SLC22A15: variants seen among roughly 807,000 people sequenced by gnomAD.
SLC22A15 encodes the protein solute carrier family 22 member 15.
SLC22A15 carries 45 observed loss-of-function variants against 62.7 expected under a neutral mutation model. The ratio of observed to expected loss-of-function variants is 0.72; its 90% confidence interval spans 0.56 to 0.92. The LOEUF is 0.92. Among genes scored for constraint, SLC22A15 ranks in the 40% least tolerant of loss-of-function variants. SLC22A15 has a pLI of 0.00. For synonymous variants in SLC22A15, 264 were observed against 267.0 expected (o/e 0.99, Z 0.11); for missense variants, 622 against 665.6 (o/e 0.93, Z 0.72).
chr1:116,002,551 G>A lies in SLC22A15; in HGVS notation c.300+10308G>A, dbSNP rs374108884. The stretch of plus-strand genomic sequence containing the variant: ...ATTTTACTGGGGCTGAGCTGGTACC[G>A]AGATTGCAAGACAAAGTCCCCTTTA... On this transcript the variant is annotated intron_variant, in intron 2 of 11. Coordinates refer to ENST00000369503, the MANE Select transcript of SLC22A15 (RefSeq NM_018420.3). Among the ~76,000 whole-genome samples the A allele has an allele frequency of 4.7e-4, 71 of 150,508 alleles. No homozygotes were observed. In the South Asian group the frequency reaches 9.9e-3, roughly 21 times the overall value.
At chr1:115,979,816 T>C (rs560796756) in intron 1 of SLC22A15, among the ~76,000 whole-genome samples, 2 of 152,250 alleles carry the variant, frequency 1.3e-5, no homozygotes, top group East Asian at 3.9e-4. Flanking sequence ...GTCATTTTCC[T>C]CAAAATCATG....
chr1:116,056,258 A>T (rs1658204915), intron 8 of SLC22A15, among the ~76,000 whole-genome samples: 1 of 151,664 alleles, frequency 6.6e-6, no homozygotes, highest in Admixed American at 6.6e-5. Context: ...CTTATACACC[A>T]ATAACAGACA....
At chr1:116,033,929 C>T (rs1372095635) in intron 6 of SLC22A15, among the ~76,000 whole-genome samples, 1 of 152,138 alleles carries the variant, frequency 6.6e-6, no homozygotes, top group Non-Finnish European at 1.5e-5. Context: ...GGACTACTAA[C>T]CACTCCAGCT....
At chr1:116,023,523 T>C (rs923326095) in intron 4 of SLC22A15, among the ~76,000 whole-genome samples, 4 of 152,222 alleles carry the variant, frequency 2.6e-5, no homozygotes, top group Admixed American at 2.0e-4. Context: ...CCTTTGCATG[T>C]CTATTCCACA....
intron 2 of SLC22A15, among the ~76,000 whole-genome samples, chr1:116,015,807 G>A (rs930862502): frequency 6.6e-6 from 1 of 152,098 alleles, no homozygotes; most frequent in African/African-American, 2.4e-5. Flanking sequence ...TTAAGAACAA[G>A]TACAATTAAG....
chr1:116,049,253 A>G (rs544637350), intron 8 of SLC22A15, among the ~76,000 whole-genome samples: 1 of 152,256 alleles, frequency 6.6e-6, no homozygotes, highest in Non-Finnish European at 1.5e-5. Flanking sequence ...AATGGACTTA[A>G]CAGATATATA....
chr1:116,033,788 C>A (rs1380994961), intron 6 of SLC22A15, among the ~76,000 whole-genome samples: 30 of 152,178 alleles, frequency 2.0e-4, no homozygotes, highest in Non-Finnish European at 2.9e-5. Context: ...ACAGACAATG[C>A]AGTGTCACCT....
intron 2 of SLC22A15, among the ~76,000 whole-genome samples, chr1:116,003,892 G>A (rs1480394344): frequency 6.6e-6 from 1 of 152,112 alleles, no homozygotes; most frequent in Non-Finnish European, 1.5e-5. Context: ...CATAGAAATT[G>A]ACCCTTCTAT....
intron 1 of SLC22A15, among the ~76,000 whole-genome samples, chr1:115,982,471 C>T (rs1013978289): frequency 3.3e-5 from 5 of 152,072 alleles, no homozygotes; most frequent in Admixed American, 1.3e-4. Context: ...GTTGTGAATG[C>T]GTTGCTATGC....
At chr1:116,052,824 C>T (rs1426404619) in intron 8 of SLC22A15, among the ~76,000 whole-genome samples, 1 of 152,192 alleles carries the variant, frequency 6.6e-6, no homozygotes, top group Non-Finnish European at 1.5e-5. Context: ...TAGCAAACTC[C>T]AACAGACCTG....
chr1:116,039,912 A>T (rs1183598151), intron 8 of SLC22A15, among the ~76,000 whole-genome samples: 1 of 152,236 alleles, frequency 6.6e-6, no homozygotes, highest in East Asian at 1.9e-4. Flanking sequence ...AAGTACATAT[A>T]AAGAAAATGA....
At chr1:116,042,546 G>A (rs1247686914) in intron 8 of SLC22A15, among the ~76,000 whole-genome samples, 1 of 152,120 alleles carries the variant, frequency 6.6e-6, no homozygotes, top group Non-Finnish European at 1.5e-5. Flanking sequence ...CTTAGAAGGA[G>A]GGGATAAAGA....
chr1:116,011,290 G>T (rs1399366718), intron 2 of SLC22A15, among the ~76,000 whole-genome samples: 1 of 152,156 alleles, frequency 6.6e-6, no homozygotes, highest in African/African-American at 2.4e-5. Flanking sequence ...GCTTTCAGGG[G>T]CTAAAGATAA....
At chr1:115,999,526 C>G (rs1655606935) in intron 2 of SLC22A15, among the ~76,000 whole-genome samples, 1 of 141,940 alleles carries the variant, frequency 7.0e-6, no homozygotes, top group Admixed American at 7.2e-5. Flanking sequence ...TTTCTGGAGA[C>G]AGAGTCTTGC....
Position 115,992,316 on chromosome 1 carries a change from C to T in SLC22A15, c.300+73C>T, listed in dbSNP as rs1046790982. ...ACATAGAGCTACTCTTTTTGTCTTG[C>T]TGATTTAAATATCAGCCACATTTTC... On this transcript the variant is annotated intron_variant, in intron 2 of 11. Coordinates refer to ENST00000369503, the MANE Select transcript of SLC22A15 (RefSeq NM_018420.3). 1.7e-4 allele frequency: 219 copies of T among 1,287,472 alleles called. 1 individual carries two copies. Among genetic ancestry groups the T allele is most frequent in the Non-Finnish European group, 2.3e-4 (216 of 921,078 alleles). 79.8% of individuals were successfully genotyped at this position (1,287,472 alleles called of 1,614,324 possible).
intron 8 of SLC22A15, among the ~76,000 whole-genome samples, chr1:116,057,642 G>T (rs1246170848): frequency 1.4e-4 from 21 of 152,150 alleles, no homozygotes; most frequent in Non-Finnish European, 2.5e-4. Context: ...CAATAGCAAA[G>T]ACTTGGAACC....
intron 5 of SLC22A15, among the ~76,000 whole-genome samples, chr1:116,027,684 G>A (rs184296128): frequency 3.3e-5 from 5 of 151,966 alleles, no homozygotes; most frequent in Admixed American, 3.3e-4. Context: ...GGAGTGCAAT[G>A]GTGTGATCTC....
chr1:116,027,288 T>C, intron 5 of SLC22A15: 1 of 583,704 alleles, frequency 1.7e-6, no homozygotes, highest in East Asian at 4.2e-5. Flanking sequence ...AGGCAACCAA[T>C]TGCTTTTTTA....
chr1:116,049,402 C>G (rs1195612266), intron 8 of SLC22A15, among the ~76,000 whole-genome samples: 2 of 152,120 alleles, frequency 1.3e-5, no homozygotes, highest in African/African-American at 4.8e-5. Flanking sequence ...CAAGCACTCT[C>G]TCAGACCACA....
Sources: gnomAD v4.1 joint callset for allele counts (sites outside exome capture counted in the v4.1 genomes callset) on GRCh38, gnomAD v4.1.1 for gene constraint, MANE v1.5 for transcripts, NCBI Gene and HGNC (gene_info 2026-07-23, HGNC 2026-07-21) for gene names.